The following ST8SIA2 variants were observed in gnomAD, a reference collection of about 807,000 sequenced individuals.
ST8SIA2 encodes the protein alpha-2,8-sialyltransferase 8B.
Under a neutral mutation model 37.6 loss-of-function variants are expected in ST8SIA2, and 22 were observed. That is an observed-to-expected ratio of 0.58 (90% CI 0.42 to 0.83). The LOEUF is 0.83. Ranked by LOEUF, ST8SIA2 falls within the 40% of genes least tolerant of loss-of-function variation. ST8SIA2 has a pLI of 0.00. For synonymous variants in ST8SIA2, 205 were observed against 201.2 expected, an observed-to-expected ratio of 1.02 and a Z score of -0.16; for missense variants, 382 against 484.7, an observed-to-expected ratio of 0.79 and a Z score of 1.99.
chr15:92,399,630 G>C (rs1189647423), intron 1 of ST8SIA2, among the ~76,000 whole-genome samples: 1 of 152,176 alleles, frequency 6.6e-6, no homozygotes, highest in Non-Finnish European at 1.5e-5. Flanking sequence ...CTTCTCCCTA[G>C]TACTGGTGTA....
intron 1 of ST8SIA2, among the ~76,000 whole-genome samples, chr15:92,408,215 G>A (rs2049522235): frequency 2.7e-5 from 4 of 150,838 alleles, no homozygotes; most frequent in Admixed American, 2.6e-4. Context: ...CCAAGAGAGG[G>A]TGGTCCCACC....
At chr15:92,394,632 C>G (rs542631112) in intron 1 of ST8SIA2, among the ~76,000 whole-genome samples, 1 of 152,114 alleles carries the variant, frequency 6.6e-6, no homozygotes, top group Non-Finnish European at 1.5e-5. Context: ...GTTCCTGGGG[C>G]CGGAGCGGAG....
At chr15:92,458,516 C>T (rs555092075) in intron 5 of ST8SIA2, among the ~76,000 whole-genome samples, 1 of 152,280 alleles carries the variant, frequency 6.6e-6, no homozygotes, top group Non-Finnish European at 1.5e-5. Flanking sequence ...GGTCCCTGCG[C>T]TTGGGGAGAC....
chr15:92,401,063 T>C (rs1200753693), intron 1 of ST8SIA2, among the ~76,000 whole-genome samples: 2 of 151,958 alleles, frequency 1.3e-5, no homozygotes, highest in African/African-American at 4.8e-5. Context: ...GGATCCTAGA[T>C]AAGGTCCGGA....
At chr15:92,397,943 G>A (rs548741255) in intron 1 of ST8SIA2, among the ~76,000 whole-genome samples, 4 of 152,248 alleles carry the variant, frequency 2.6e-5, no homozygotes, top group African/African-American at 9.6e-5. Context: ...GACCAGACTG[G>A]CCAACATGGT....
At chr15:92,410,074 C>T (rs1169994850) in intron 1 of ST8SIA2, among the ~76,000 whole-genome samples, 2 of 152,362 alleles carry the variant, frequency 1.3e-5, no homozygotes, top group Admixed American at 6.5e-5. Context: ...CAGGCCCTAA[C>T]GTCTTTGGGC....
At chr15:92,462,089 C>T (rs1207122952) in intron 5 of ST8SIA2, among the ~76,000 whole-genome samples, 2 of 151,528 alleles carry the variant, frequency 1.3e-5, no homozygotes, top group Non-Finnish European at 2.9e-5. Context: ...GAAACAACCG[C>T]GGTTGTCTAG....
intron 5 of ST8SIA2, among the ~76,000 whole-genome samples, chr15:92,450,125 A>G (rs1272676595): frequency 6.6e-6 from 1 of 152,244 alleles, no homozygotes; most frequent in African/African-American, 2.4e-5. Context: ...AGAAATGTAA[A>G]ACATTTGTGC....
intron 1 of ST8SIA2, among the ~76,000 whole-genome samples, chr15:92,420,520 G>T (rs2049625408): frequency 6.6e-6 from 1 of 152,166 alleles, no homozygotes; most frequent in African/African-American, 2.4e-5. Flanking sequence ...TTGAGCAAAG[G>T]AGAGAGCCAA....
chr15:92,456,145 G>A (rs1460920035), intron 5 of ST8SIA2, among the ~76,000 whole-genome samples: 1 of 152,282 alleles, frequency 6.6e-6, no homozygotes. Flanking sequence ...CTGGGCATGA[G>A]CAGTAGTCTC....
intron 3 of ST8SIA2, among the ~76,000 whole-genome samples, chr15:92,437,178 G>A (rs1337053496): frequency 6.6e-6 from 1 of 152,192 alleles, no homozygotes; most frequent in Non-Finnish European, 1.5e-5. Context: ...CAGCATCTTT[G>A]TATCTGTTCT....
intron 3 of ST8SIA2, among the ~76,000 whole-genome samples, chr15:92,434,933 C>T (rs1168702023): frequency 6.6e-6 from 1 of 152,196 alleles, no homozygotes; most frequent in African/African-American, 2.4e-5. Flanking sequence ...CAGAGAGCAG[C>T]TCTCGTCCTG....
At chr15:92,451,981 C>G (rs2049885426) in intron 5 of ST8SIA2, among the ~76,000 whole-genome samples, 1 of 152,158 alleles carries the variant, frequency 6.6e-6, no homozygotes, top group Non-Finnish European at 1.5e-5. Context: ...TTAAGAAAAA[C>G]AGAAAAGTCT....
At chr15:92,456,793 T>A (rs1333057383) in intron 5 of ST8SIA2, among the ~76,000 whole-genome samples, 1 of 152,228 alleles carries the variant, frequency 6.6e-6, no homozygotes, top group Non-Finnish European at 1.5e-5. Flanking sequence ...TTTTATGCTG[T>A]GGACTCCAGG....
At position 92,405,519 on chromosome 15, in the gene ST8SIA2, G is replaced by A. The variant is rs148045113; in HGVS notation, c.98+11357G>A. On this transcript the variant is annotated intron_variant, in intron 1 of 5. Coordinates refer to ENST00000268164, the MANE Select transcript of ST8SIA2 (RefSeq NM_006011.4). ...TCCCACAATTGAAACACACACGCGC[G>A]CAAGCAGCCAGAAGAGTGCCTGGCA... Among the ~76,000 whole-genome samples, 1,412 of 152,324 alleles carry A rather than the reference G, an allele frequency of 9.3e-3. 25 individuals are homozygous for A. The highest frequency in any genetic ancestry group is 0.032 in the African/African-American group (1,347 of 41,572).
chr15:92,402,535 C>T (rs532680736), intron 1 of ST8SIA2, among the ~76,000 whole-genome samples: 30 of 152,214 alleles, frequency 2.0e-4, no homozygotes, highest in Non-Finnish European at 3.7e-4. Flanking sequence ...GGAAGAGATG[C>T]GTGCTTGTAT....
intron 5 of ST8SIA2, among the ~76,000 whole-genome samples, chr15:92,458,422 C>T (rs1478387103): frequency 6.6e-6 from 1 of 152,194 alleles, no homozygotes; most frequent in Non-Finnish European, 1.5e-5. Context: ...TTGTTGAGTG[C>T]TGCCGTCTCT....
At chr15:92,442,368 A>G (rs1472915467) in intron 4 of ST8SIA2, among the ~76,000 whole-genome samples, 4 of 152,154 alleles carry the variant, frequency 2.6e-5, no homozygotes, top group Non-Finnish European at 5.9e-5. Context: ...AGCATCTTCC[A>G]GGAGGTGGCA....
intron 1 of ST8SIA2, chr15:92,417,476 C>A (rs529034241): frequency 6.6e-6 from 1 of 152,328 alleles, no homozygotes; most frequent in South Asian, 2.1e-4. Flanking sequence ...AGGAAGGGAA[C>A]AAAAGAGAGG....
Sources: allele counts gnomAD v4.1 joint callset (sites outside exome capture counted in the v4.1 genomes callset), GRCh38; gene constraint gnomAD v4.1.1; transcripts MANE v1.5; gene names NCBI Gene and HGNC (gene_info 2026-07-23, HGNC 2026-07-21).